Variants in RBFOX1 observed in about 807,000 individuals in gnomAD.
The protein encoded by RBFOX1 is RNA binding fox-1 homolog 1, also known as RNA binding protein fox-1 homolog 1.
A neutral mutation model predicts 57.7 loss-of-function variants in RBFOX1; 8 were observed. The ratio of observed to expected loss-of-function variants is 0.14; its 90% CI spans 0.08 to 0.25. The LOEUF (loss-of-function observed/expected upper bound fraction) is 0.25, where lower values mean the gene tolerates loss of function less well. Ranked by LOEUF, RBFOX1 falls within the 10% of genes least tolerant of loss-of-function variation. The probability of loss-of-function intolerance (pLI) is 1.00; values close to 1 mark genes in which losing one functional copy is unlikely to be tolerated. For missense variants in RBFOX1, 611 were observed against 548.5 expected (o/e 1.11, Z -1.14); for synonymous variants, 326 against 222.4 (o/e 1.47, Z -4.15).
intron 3 of RBFOX1, among the ~76,000 whole-genome samples, chr16:6,809,729 T>G (rs1310171786): frequency 1.4e-4 from 22 of 152,160 alleles, no homozygotes. Context: ...TTGGTCTTTC[T>G]CAGCGACAGA....
chr16:7,461,696 G>A (rs1472679371), intron 4 of RBFOX1, among the ~76,000 whole-genome samples: 1 of 152,202 alleles, frequency 6.6e-6, no homozygotes, highest in Non-Finnish European at 1.5e-5. Context: ...ATTACTGGAA[G>A]ATGATATGAT....
At chr16:5,716,294 C>G (rs749548726) in intron 3 of RBFOX1, among the ~76,000 whole-genome samples, 14 of 152,146 alleles carry the variant, frequency 9.2e-5, no homozygotes, top group Admixed American at 5.2e-4. Flanking sequence ...GGTGCAAGTA[C>G]AGGTTTGTTA....
chr16:6,445,099 G>C (rs906960636), intron 2 of RBFOX1, among the ~76,000 whole-genome samples: 5 of 152,064 alleles, frequency 3.3e-5, no homozygotes, highest in Non-Finnish European at 5.9e-5. Context: ...GGCAGAAGGA[G>C]AGTAATGCAG....
intron 14 of RBFOX1, among the ~76,000 whole-genome samples, chr16:7,703,575 C>T (rs1234921436): frequency 6.6e-6 from 1 of 152,092 alleles, no homozygotes; most frequent in African/African-American, 2.4e-5. Context: ...TTACTGTGGC[C>T]CTATAAGAAA....
intron 3 of RBFOX1, among the ~76,000 whole-genome samples, chr16:6,750,305 C>G (rs555122708): frequency 3.0e-4 from 46 of 152,286 alleles, no homozygotes; most frequent in Non-Finnish European, 6.0e-4. Context: ...CACAGCAGTT[C>G]TTAGTTTTAA....
intron 5 of RBFOX1, among the ~76,000 whole-genome samples, chr16:7,559,948 C>T (rs974985210): frequency 2.0e-5 from 3 of 152,188 alleles, no homozygotes; most frequent in East Asian, 1.9e-4. Flanking sequence ...GGATTGCCTC[C>T]CTAAGGTATA....
chr16:6,144,739 C>T (rs2096744670), intron 1 of RBFOX1, among the ~76,000 whole-genome samples: 1 of 152,198 alleles, frequency 6.6e-6, no homozygotes, highest in Admixed American at 6.5e-5. Context: ...GATGGATATT[C>T]CATTATGCAC....
intron 3 of RBFOX1, among the ~76,000 whole-genome samples, chr16:6,848,949 C>T (rs777344048): frequency 6.6e-6 from 1 of 152,142 alleles, no homozygotes. Context: ...GGTAATTCTA[C>T]CTTGCTTCAT....
chr16:6,847,616 G>C (rs1425029988), intron 3 of RBFOX1, among the ~76,000 whole-genome samples: 1 of 152,112 alleles, frequency 6.6e-6, no homozygotes, highest in East Asian at 1.9e-4. Context: ...TACAAGGGAC[G>C]TGAAGAATGG....
chr16:6,392,525 A>C (rs1319072654), intron 2 of RBFOX1, among the ~76,000 whole-genome samples: 1 of 152,218 alleles, frequency 6.6e-6, no homozygotes, highest in Non-Finnish European at 1.5e-5. Context: ...TGTAAAGTTA[A>C]AGCTAAATGT....
intron 4 of RBFOX1, among the ~76,000 whole-genome samples, chr16:7,152,670 T>G (rs148341063): frequency 3.3e-5 from 5 of 152,300 alleles, no homozygotes; most frequent in Admixed American, 2.6e-4. Context: ...GAAAAGGAAT[T>G]TATTTTGCTT....
chr16:6,079,770 A>T (rs908167121), intron 1 of RBFOX1, among the ~76,000 whole-genome samples: 2 of 152,136 alleles, frequency 1.3e-5, no homozygotes, highest in African/African-American at 4.8e-5. Context: ...GAGCAGTTGC[A>T]GGCTCGTTGG....
At chr16:5,924,650 A>G (rs1417346259) in intron 4 of RBFOX1, among the ~76,000 whole-genome samples, 2 of 152,246 alleles carry the variant, frequency 1.3e-5, no homozygotes, top group African/African-American at 2.4e-5. Flanking sequence ...TGCAGCCTGC[A>G]GAACCATGAG....
intron 1 of RBFOX1, among the ~76,000 whole-genome samples, chr16:6,107,553 C>A (rs1330286222): frequency 6.6e-6 from 1 of 152,008 alleles, no homozygotes. Context: ...TTTCAGACAA[C>A]ATTAGTTCAA....
intron 2 of RBFOX1, among the ~76,000 whole-genome samples, chr16:6,425,687 C>T (rs2093905543): frequency 6.6e-6 from 1 of 151,858 alleles, no homozygotes; most frequent in Non-Finnish European, 1.5e-5. Context: ...ATTTGTATTG[C>T]CTGGTTTATT....
At chr16:5,276,849 G>A (rs1278764238) in intron 1 of RBFOX1, among the ~76,000 whole-genome samples, 1 of 152,204 alleles carries the variant, frequency 6.6e-6, no homozygotes, top group Non-Finnish European at 1.5e-5. Flanking sequence ...TGGTGGGAAT[G>A]TAAGCTAGTA....
chr16:6,270,542 C>G (rs1271733900), intron 1 of RBFOX1, among the ~76,000 whole-genome samples: 1 of 149,846 alleles, frequency 6.7e-6, no homozygotes, highest in Non-Finnish European at 1.5e-5. Context: ...GAATAGCATT[C>G]CTAAATGTGC....
intron 2 of RBFOX1, among the ~76,000 whole-genome samples, chr16:6,478,659 G>A (rs1414552288): frequency 1.3e-5 from 2 of 151,406 alleles, no homozygotes; most frequent in Non-Finnish European, 2.9e-5. Context: ...ACACTTAGAG[G>A]CTATTGTAAG....
chr16:7,453,269 A>G (rs2057759519), intron 4 of RBFOX1, among the ~76,000 whole-genome samples: 1 of 152,102 alleles, frequency 6.6e-6, no homozygotes, highest in Non-Finnish European at 1.5e-5. Flanking sequence ...GTAGCATTCC[A>G]GGCTGTGGGA....
Sources: allele counts gnomAD v4.1 joint callset (sites outside exome capture counted in the v4.1 genomes callset), GRCh38; gene constraint gnomAD v4.1.1; transcripts MANE v1.5; gene names NCBI Gene and HGNC (gene_info 2026-07-23, HGNC 2026-07-21).